Variants in MED12L observed in about 807,000 individuals in gnomAD.
MED12L encodes the protein mediator complex subunit 12L.
Under a neutral mutation model 281.3 loss-of-function variants are expected in MED12L, and 60 were observed. The observed-to-expected ratio is 0.21, with a 90% confidence interval of 0.17 to 0.26. MED12L has a LOEUF of 0.26. MED12L is among the 10% of genes least tolerant of loss of function. The probability of loss-of-function intolerance (pLI) is 1.00; values close to 1 mark genes in which losing one functional copy is unlikely to be tolerated. For missense variants in MED12L, 2,146 were observed against 2,680.9 expected (o/e 0.80, Z 4.41); for synonymous variants, 974 against 987.2 (o/e 0.99, Z 0.25).
Position 151,436,523 on chromosome 3 carries a change from T to C in MED12L, c.*3719T>C. On this transcript the variant is annotated 3_prime_UTR_variant, in exon 45 of 45. Transcript: ENST00000687756. ...AGATCCATTAAATAAATCAGTATCA[T>C]CAGTTCATAATGCATTTATTTACAA... is the stretch of plus-strand genomic sequence containing the variant. 3.7e-6 allele frequency: 2 copies of C among 541,914 alleles called. No homozygotes were observed. Among genetic ancestry groups the C allele is most frequent in the Non-Finnish European group, 6.4e-6 (2 of 313,856 alleles). 33.6% of individuals were successfully genotyped at this position (541,914 alleles called of 1,614,324 possible).
chr3:151,210,510 T>C (rs753497790), intron 16 of MED12L, among the ~76,000 whole-genome samples: 7 of 152,244 alleles, frequency 4.6e-5, no homozygotes, highest in African/African-American at 7.2e-5. Context: ...TGTTTCTTTA[T>C]TACTCTTATC....
chr3:151,112,282 C>CT (rs11330453), intron 2 of MED12L, among the ~76,000 whole-genome samples: 120 of 133,348 alleles, frequency 9.0e-4, no homozygotes, highest in East Asian at 2.0e-3. Context: ...ATTTCTTTTT[C>CT]TTTTTTTTTT....
At chr3:151,356,142 G>A in intron 19 of MED12L, 103 bp downstream of exon 19, 4 of 1,241,638 alleles carry the variant, frequency 3.2e-6, no homozygotes, top group Non-Finnish European at 3.3e-6. Flanking sequence ...GCTTGTGCTT[G>A]TAATCCTGGC....
At chr3:151,296,506 C>T (rs1205146655) in intron 16 of MED12L, among the ~76,000 whole-genome samples, 1 of 152,128 alleles carries the variant, frequency 6.6e-6, no homozygotes, top group Non-Finnish European at 1.5e-5. Flanking sequence ...TGACAAAGGA[C>T]TTTGGCTGGA....
intron 15 of MED12L, 116 bp downstream of exon 15, chr3:151,192,770 G>C (rs1724155910): frequency 1.4e-6 from 1 of 713,314 alleles, no homozygotes; most frequent in African/African-American, 1.8e-5. Context: ...ATGTAATCTT[G>C]CCATATTCTT....
intron 39 of MED12L, among the ~76,000 whole-genome samples, chr3:151,404,765 A>G (rs1214636641): frequency 6.6e-6 from 1 of 152,242 alleles, no homozygotes; most frequent in Non-Finnish European, 1.5e-5. Context: ...CTGAAAAATT[A>G]CTAAATAAGG....
At chr3:151,210,388 A>G (rs929196261) in intron 16 of MED12L, among the ~76,000 whole-genome samples, 17 of 152,240 alleles carry the variant, frequency 1.1e-4, no homozygotes, top group African/African-American at 4.1e-4. Context: ...TGACCAACGA[A>G]TGAGCACTAG....
chr3:151,093,669 T>A (rs981123089), intron 2 of MED12L, among the ~76,000 whole-genome samples: 1 of 152,228 alleles, frequency 6.6e-6, no homozygotes, highest in East Asian at 1.9e-4. Flanking sequence ...GTACACAGTT[T>A]ATAGCAGAGG....
At chr3:151,383,697 A>G in intron 33 of MED12L, 82 bp from the exon 34 acceptor site, 1 of 846,588 alleles carries the variant, frequency 1.2e-6, no homozygotes, top group Non-Finnish European at 1.9e-6. Flanking sequence ...ATAAAAAACA[A>G]TCAAAATTTG....
chr3:151,264,477 A>G (rs1444571191), intron 16 of MED12L, among the ~76,000 whole-genome samples: 1 of 152,202 alleles, frequency 6.6e-6, no homozygotes, highest in Non-Finnish European at 1.5e-5. Context: ...TTCAAACCTG[A>G]GCTTATTAGT....
At chr3:151,097,817 A>G (rs1178045313) in intron 2 of MED12L, among the ~76,000 whole-genome samples, 1 of 152,210 alleles carries the variant, frequency 6.6e-6, no homozygotes, top group East Asian at 1.9e-4. Context: ...TGCTATCAGT[A>G]GTTCCGGGGT....
At chr3:151,326,450 G>C (rs900926960) in intron 16 of MED12L, 1 of 152,614 alleles carries the variant, frequency 6.6e-6, no homozygotes, top group Admixed American at 6.5e-5. Flanking sequence ...ATATAGGTGT[G>C]ACAGCATACA....
chr3:151,341,670 A>C (rs1577377818), intron 16 of MED12L, among the ~76,000 whole-genome samples: 1 of 151,558 alleles, frequency 6.6e-6, no homozygotes, highest in South Asian at 2.1e-4. Context: ...CTGGTGTGCT[A>C]CACCCATTAA....
chr3:151,200,064 A>G (rs1183125995), intron 16 of MED12L, among the ~76,000 whole-genome samples: 2 of 152,206 alleles, frequency 1.3e-5, no homozygotes, highest in East Asian at 3.8e-4. Context: ...AGATTTATTT[A>G]TATTAGTATC....
chr3:151,407,122 C>T (rs142026102), intron 39 of MED12L, among the ~76,000 whole-genome samples: 104 of 152,250 alleles, frequency 6.8e-4, no homozygotes, highest in Middle Eastern at 3.4e-3. Context: ...CTTAAATTCC[C>T]ATGATCTCAA....
In MED12L at chr3:151,165,510, T is replaced by A. The variant is rs1340981390; in HGVS notation, c.1348T>A (p.Ser450Thr). 8 of 1,612,766 alleles carry A rather than the reference T, an allele frequency of 5.0e-6. No homozygotes were observed. The South Asian group carries it at 8.8e-5, about 18-fold the overall frequency. The change falls in exon 10 of 45, where the codon TCC (serine) becomes ACC (threonine). Residue 450 changes from serine (S) to threonine (T), a missense_variant. Around this residue, in one of 9 missense-constraint regions of MED12L, gnomAD observed 722 missense variants for 861.2 expected, o/e 0.84. Coordinates refer to ENST00000687756, the MANE Select transcript of MED12L (RefSeq NM_001393769.1). The stretch of plus-strand genomic sequence containing the variant: ...GTGGTCATTTGACAAGTGCCAAGAA[T>A]CCACAGCAGGTACAGAATGCCACAG... ...VRWSFDKCQE[S>T]TAGVTISRVL...
At chr3:151,165,240 T>C (rs1208863275) in intron 9 of MED12L, among the ~76,000 whole-genome samples, 180 bp from the exon 10 acceptor site, 1 of 152,200 alleles carries the variant, frequency 6.6e-6, no homozygotes, top group Non-Finnish European at 1.5e-5. Flanking sequence ...AAACTGACAT[T>C]GAATTGCCCT....
intron 16 of MED12L, among the ~76,000 whole-genome samples, chr3:151,217,456 T>A (rs1728463912): frequency 6.6e-6 from 1 of 152,224 alleles, no homozygotes; most frequent in Non-Finnish European, 1.5e-5. Context: ...TTGAGTTGGA[T>A]GGAAGGGACT....
intron 16 of MED12L, among the ~76,000 whole-genome samples, chr3:151,218,867 A>C (rs1445445697): frequency 5.0e-4 from 5 of 9,986 alleles, no homozygotes; most frequent in Non-Finnish European, 8.4e-4. Flanking sequence ...ACTCAGTCTC[A>C]AAAAAAAAAA....
Sources: allele counts gnomAD v4.1 joint callset (sites outside exome capture counted in the v4.1 genomes callset), GRCh38; gene constraint gnomAD v4.1.1; regional missense constraint gnomAD v4.1.1; transcripts MANE v1.5; gene names NCBI Gene and HGNC (gene_info 2026-07-23, HGNC 2026-07-21).